PTPRD: variants seen among roughly 807,000 people sequenced by gnomAD.
The protein encoded by PTPRD is protein tyrosine phosphatase receptor type D, also known as receptor-type tyrosine-protein phosphatase delta.
A neutral mutation model predicts 214.5 loss-of-function variants in PTPRD; 34 were observed. That is an observed-to-expected ratio of 0.16 (90% confidence interval 0.12 to 0.21). The LOEUF (loss-of-function observed/expected upper bound fraction) is 0.21. Ranked by LOEUF, PTPRD falls within the 10% of genes least tolerant of loss-of-function variation. The pLI is 1.00. For synonymous variants in PTPRD, 1,128 were observed against 845.7 expected (o/e 1.33, Z -5.79); for missense variants, 2,545 against 2,398.7 (o/e 1.06, Z -1.27).
intron 3 of PTPRD, among the ~76,000 whole-genome samples, chr9:10,060,390 A>T (rs1284012282): frequency 3.9e-5 from 6 of 152,108 alleles, no homozygotes; most frequent in Non-Finnish European, 7.4e-5. Context: ...TTAAAATAAC[A>T]CAACGCTTTC....
intron 5 of PTPRD, among the ~76,000 whole-genome samples, chr9:9,875,777 A>G (rs922917128): frequency 9.2e-5 from 14 of 152,168 alleles, no homozygotes; most frequent in African/African-American, 3.4e-4. Flanking sequence ...TTAAGACAAA[A>G]TAACAATCCA....
At chr9:9,461,776 T>C (rs945581154) in intron 8 of PTPRD, among the ~76,000 whole-genome samples, 2 of 152,072 alleles carry the variant, frequency 1.3e-5, no homozygotes, top group Non-Finnish European at 1.5e-5. Flanking sequence ...AGTGAAGGCA[T>C]TTGGATGTTA....
chr9:9,119,210 T>G (rs80254573), intron 10 of PTPRD, among the ~76,000 whole-genome samples: 2,199 of 152,326 alleles, frequency 0.014, 43 homozygotes, highest in East Asian at 0.072. Context: ...TTTTATAGGT[T>G]TACCATGTTA....
chr9:9,886,883 ATAGAAGGTC>A (rs2071141355), intron 5 of PTPRD, among the ~76,000 whole-genome samples: 2 of 152,228 alleles, frequency 1.3e-5, no homozygotes, highest in South Asian at 4.1e-4. Context: ...CTACATGGAC[ATAGAAGGTC>A]TGTCCCAGAT....
At chr9:8,457,242 C>G (rs1433884979) in intron 33 of PTPRD, among the ~76,000 whole-genome samples, 1 of 152,132 alleles carries the variant, frequency 6.6e-6, no homozygotes, top group African/African-American at 2.4e-5. Context: ...AGAACTGGGA[C>G]TTGGATTCGG....
chr9:8,713,687 T>C (rs1320006784), intron 12 of PTPRD: 2 of 1,512,734 alleles, frequency 1.3e-6, no homozygotes, highest in Non-Finnish European at 1.8e-6. Context: ...TCCATTCAGA[T>C]CATGATGGTG....
At chr9:9,791,892 C>G (rs1294587048) in intron 5 of PTPRD, among the ~76,000 whole-genome samples, 2 of 152,056 alleles carry the variant, frequency 1.3e-5, no homozygotes, top group African/African-American at 4.8e-5. Context: ...TGCTTAGAAG[C>G]TTTATTTTAA....
intron 11 of PTPRD, among the ~76,000 whole-genome samples, chr9:8,842,592 G>C (rs2097580322): frequency 6.6e-6 from 1 of 152,084 alleles, no homozygotes; most frequent in Admixed American, 6.5e-5. Flanking sequence ...GGGGGTTAAA[G>C]TGTTAGGCTC....
intron 3 of PTPRD, among the ~76,000 whole-genome samples, chr9:10,090,586 G>A (rs2098417118): frequency 6.8e-6 from 1 of 147,662 alleles, no homozygotes; most frequent in Non-Finnish European, 1.5e-5. Flanking sequence ...ATGGTAAAGG[G>A]CAAAATACTC....
intron 9 of PTPRD, among the ~76,000 whole-genome samples, chr9:9,286,105 T>G (rs1483695923): frequency 6.6e-6 from 1 of 151,832 alleles, no homozygotes; most frequent in Non-Finnish European, 1.5e-5. Flanking sequence ...TAAATTCTTT[T>G]GTGACAACCC....
chr9:9,205,470 A>T (rs940177496), intron 9 of PTPRD, among the ~76,000 whole-genome samples: 2 of 152,184 alleles, frequency 1.3e-5, no homozygotes, highest in Non-Finnish European at 2.9e-5. Context: ...CTAGATAATA[A>T]TAATAATATA....
chr9:10,270,164 T>C (rs866933480), intron 3 of PTPRD, among the ~76,000 whole-genome samples: 55 of 152,168 alleles, frequency 3.6e-4, no homozygotes, highest in African/African-American at 1.2e-3. Flanking sequence ...TATGGAAATA[T>C]AATTACATAC....
intron 11 of PTPRD, among the ~76,000 whole-genome samples, chr9:8,750,850 T>G (rs911841995): frequency 1.3e-5 from 2 of 152,128 alleles, no homozygotes; most frequent in Admixed American, 6.5e-5. Flanking sequence ...ACTGGAGGGC[T>G]TTATGCTATG....
intron 7 of PTPRD, among the ~76,000 whole-genome samples, chr9:9,581,887 C>G (rs1451570182): frequency 1.3e-5 from 2 of 152,048 alleles, no homozygotes; most frequent in African/African-American, 4.8e-5. Flanking sequence ...CAATTATTTA[C>G]CAGCCACTAC....
intron 9 of PTPRD, among the ~76,000 whole-genome samples, chr9:9,287,544 T>C (rs1949900777): frequency 6.6e-6 from 1 of 151,884 alleles, no homozygotes; most frequent in African/African-American, 2.4e-5. Flanking sequence ...GGCAGAATTA[T>C]GTTTATAAAT....
At chr9:10,331,720 T>C (rs995244845) in intron 3 of PTPRD, among the ~76,000 whole-genome samples, 1 of 151,900 alleles carries the variant, frequency 6.6e-6, no homozygotes, top group Non-Finnish European at 1.5e-5. Flanking sequence ...AAACAAACTG[T>C]TTGAAATTTT....
intron 3 of PTPRD, among the ~76,000 whole-genome samples, chr9:10,050,751 T>A (rs972733701): frequency 3.9e-5 from 6 of 152,028 alleles, no homozygotes; most frequent in East Asian, 3.9e-4. Flanking sequence ...CAAATGTATA[T>A]CCTTACCTTA....
intron 39 of PTPRD, among the ~76,000 whole-genome samples, chr9:8,361,614 G>C (rs1053814405): frequency 1.3e-5 from 2 of 152,110 alleles, no homozygotes; most frequent in Non-Finnish European, 2.9e-5. Context: ...AGGTTGCCCA[G>C]GCTATTAAAA....
intron 4 of PTPRD, among the ~76,000 whole-genome samples, chr9:10,025,207 C>T (rs2096900915): frequency 6.6e-6 from 1 of 152,166 alleles, no homozygotes; most frequent in African/African-American, 2.4e-5. Flanking sequence ...AATCGCCACA[C>T]TGACTTCCAC....
Sources: allele counts gnomAD v4.1 joint callset (sites outside exome capture counted in the v4.1 genomes callset), GRCh38; gene constraint gnomAD v4.1.1; transcripts MANE v1.5; gene names NCBI Gene and HGNC (gene_info 2026-07-23, HGNC 2026-07-21).